NALF1: variants seen among roughly 807,000 people sequenced by gnomAD.
NALF1 encodes the protein family with sequence similarity 155 member A.
NALF1 carries 3 observed loss-of-function variants against 48.4 expected under a neutral mutation model. The ratio of observed to expected loss-of-function variants is 0.06; its 90% CI spans 0.03 to 0.16. The LOEUF (loss-of-function observed/expected upper bound fraction) is 0.16. NALF1 is among the 10% of genes least tolerant of loss of function. The pLI is 1.00. For synonymous variants in NALF1, 262 were observed against 245.7 expected (o/e 1.07, Z -0.62); for missense variants, 526 against 571.5 (o/e 0.92, Z 0.81).
intron 1 of NALF1, among the ~76,000 whole-genome samples, chr13:107,561,580 A>G (rs779767053): frequency 1.3e-5 from 2 of 152,210 alleles, no homozygotes; most frequent in Non-Finnish European, 2.9e-5. Context: ...TACAGTCGCT[A>G]CTTTGCCCTT....
intron 1 of NALF1, among the ~76,000 whole-genome samples, chr13:107,459,626 A>G (rs571192911): frequency 6.6e-6 from 1 of 152,340 alleles, no homozygotes; most frequent in African/African-American, 2.4e-5. Context: ...ACTTCAAGAT[A>G]AAAAAGCCAC....
chr13:107,226,248 C>T (rs1000432229), intron 1 of NALF1, among the ~76,000 whole-genome samples: 3 of 152,032 alleles, frequency 2.0e-5, no homozygotes, highest in Non-Finnish European at 4.4e-5. Context: ...TGGAAGGAGG[C>T]GGTCAGAAAA....
At chr13:107,752,557 G>A (rs1480590592) in intron 1 of NALF1, among the ~76,000 whole-genome samples, 2 of 152,114 alleles carry the variant, frequency 1.3e-5, no homozygotes, top group African/African-American at 4.8e-5. Flanking sequence ...AGGAAATGCT[G>A]TCATTTAAGA....
intron 1 of NALF1, among the ~76,000 whole-genome samples, chr13:107,312,153 C>T (rs932645512): frequency 2.6e-4 from 40 of 152,154 alleles, no homozygotes; most frequent in African/African-American, 5.8e-4. Flanking sequence ...TTCACAATAG[C>T]GAAGACTTGG....
chr13:107,191,306 A>C, intron 2 of NALF1, among the ~76,000 whole-genome samples: 1 of 152,218 alleles, frequency 6.6e-6, no homozygotes, highest in East Asian at 1.9e-4. Context: ...TAAAATAACA[A>C]AATTAGTGAT....
chr13:107,207,954 T>C (rs1239968736), intron 2 of NALF1, among the ~76,000 whole-genome samples: 1 of 152,082 alleles, frequency 6.6e-6, no homozygotes, highest in Non-Finnish European at 1.5e-5. Flanking sequence ...GCATCTGGCC[T>C]CAGCAGTGCA....
At chr13:107,265,543 C>T (rs1245687308) in intron 1 of NALF1, among the ~76,000 whole-genome samples, 4 of 151,920 alleles carry the variant, frequency 2.6e-5, no homozygotes, top group Non-Finnish European at 5.9e-5. Context: ...TCTCAGTCTC[C>T]CTACAGGCAT....
chr13:107,842,378 T>G (rs1880066061), intron 1 of NALF1, among the ~76,000 whole-genome samples: 1 of 152,066 alleles, frequency 6.6e-6, no homozygotes, highest in Non-Finnish European at 1.5e-5. Flanking sequence ...CTTTAAGAAC[T>G]CCTTCAGTAA....
At chr13:107,282,694 C>T (rs186608915) in intron 1 of NALF1, among the ~76,000 whole-genome samples, 106 of 152,282 alleles carry the variant, frequency 7.0e-4, no homozygotes, top group African/African-American at 2.1e-3. Flanking sequence ...TGAGGTCCTG[C>T]GGCCTCTTGC....
chr13:107,626,916 A>AT (rs1339579771), intron 1 of NALF1, among the ~76,000 whole-genome samples: 1 of 152,096 alleles, frequency 6.6e-6, no homozygotes, highest in African/African-American at 2.4e-5. Flanking sequence ...ATTAAGGAAC[A>AT]TTTTTATATC....
chr13:107,705,842 A>T (rs1273705325), intron 1 of NALF1, among the ~76,000 whole-genome samples: 1 of 150,772 alleles, frequency 6.6e-6, no homozygotes. Context: ...TTTCGCTTTT[A>T]TTTTTTTTTC....
intron 1 of NALF1, among the ~76,000 whole-genome samples, chr13:107,636,178 C>T (rs191146356): frequency 3.9e-5 from 6 of 152,218 alleles, no homozygotes; most frequent in African/African-American, 1.2e-4. Flanking sequence ...AATCACATCC[C>T]TCCTGCACAG....
chr13:107,706,528 C>A (rs1030685491), intron 1 of NALF1, among the ~76,000 whole-genome samples: 19 of 152,130 alleles, frequency 1.2e-4, no homozygotes, highest in African/African-American at 4.6e-4. Flanking sequence ...CTGTTCTTCA[C>A]CACCTAGAAC....
At chr13:107,744,831 T>C (rs1268518768) in intron 1 of NALF1, among the ~76,000 whole-genome samples, 2 of 152,228 alleles carry the variant, frequency 1.3e-5, no homozygotes, top group Non-Finnish European at 2.9e-5. Flanking sequence ...CAAATTCAAG[T>C]GTCTAAGAGT....
intron 1 of NALF1, among the ~76,000 whole-genome samples, chr13:107,346,164 TG>T (rs747205163): frequency 8.0e-5 from 12 of 150,230 alleles, no homozygotes; most frequent in Non-Finnish European, 1.6e-4. Flanking sequence ...CGTACTTTGT[TG>T]GGGGCGGGGG....
At chr13:107,451,915 A>C (rs974832997) in intron 1 of NALF1, among the ~76,000 whole-genome samples, 1 of 152,166 alleles carries the variant, frequency 6.6e-6, no homozygotes, top group Admixed American at 6.5e-5. Context: ...GAAAGAGGGT[A>C]TGTGTTTCCC....
chr13:107,550,163 C>T (rs1179710615), intron 1 of NALF1, among the ~76,000 whole-genome samples: 1 of 152,040 alleles, frequency 6.6e-6, no homozygotes, highest in Non-Finnish European at 1.5e-5. Flanking sequence ...ATTTTTACAA[C>T]ATTCTTGGAT....
intron 1 of NALF1, among the ~76,000 whole-genome samples, chr13:107,550,214 C>A (rs1877253961): frequency 1.3e-5 from 2 of 152,064 alleles, no homozygotes; most frequent in Non-Finnish European, 2.9e-5. Context: ...CCTTCTGTGT[C>A]CTCCTGGTTA....
intron 1 of NALF1, among the ~76,000 whole-genome samples, chr13:107,275,681 C>T (rs549422475): frequency 1.5e-4 from 23 of 152,294 alleles, no homozygotes; most frequent in African/African-American, 5.5e-4. Context: ...ATGTCAGATA[C>T]ATAACAAATA....
Sources: allele counts gnomAD v4.1 joint callset (sites outside exome capture counted in the v4.1 genomes callset), GRCh38; gene constraint gnomAD v4.1.1; transcripts MANE v1.5; gene names NCBI Gene and HGNC (gene_info 2026-07-23, HGNC 2026-07-21).